Variants in CC2D1B observed in about 807,000 individuals in gnomAD.
CC2D1B encodes coiled-coil and C2 domain containing 1B.
CC2D1B carries 92 observed loss-of-function variants against 110.8 expected under a neutral mutation model. That is an observed-to-expected ratio of 0.83 (90% CI 0.70 to 0.99). The LOEUF is 0.99. Among genes scored for constraint, CC2D1B ranks in the 50% least tolerant of loss-of-function variants. The pLI is 0.00. For missense variants in CC2D1B, 1,136 were observed against 1,089.0 expected (o/e 1.04, Z -0.61); for synonymous variants, 406 against 429.2 (o/e 0.95, Z 0.67).
intron 5 of CC2D1B, 37 bp from the exon 6 acceptor site, chr1:52,360,586 G>T (rs1646759001): frequency 6.3e-7 from 1 of 1,596,556 alleles, no homozygotes; most frequent in Non-Finnish European, 8.5e-7. Context: ...GCCACTCCAG[G>T]GCCTGCTAGG....
chr1:52,359,088 C>A lies in CC2D1B; in HGVS notation c.1196G>T (p.Gly399Val), dbSNP rs1428446856. 2 of 1,609,616 alleles carry A rather than the reference C, an allele frequency of 1.2e-6. No homozygotes were observed. Among genetic ancestry groups the A allele is most frequent in the Non-Finnish European group, 1.7e-6 (2 of 1,180,018 alleles). ...GTCCCCACCACTCCGGGCCTGGATGCCCGCCTCGCGGTACTTGTTCAGCCT... is the reference window on the plus strand; with the variant it reads ...GTCCCCACCACTCCGGGCCTGGATGACCGCCTCGCGGTACTTGTTCAGCCT... ...QQRLNKYREA[G>V]IQARSGGDER... Residue 399 changes from glycine (G) to valine (V), a missense_variant, in exon 11 of 25, where the codon GGC becomes GTC. Physicochemically the swap from Gly to Val is moderately radical, Grantham distance 109 (BLOSUM62 -3). Transcript: ENST00000284376.
Position 52,356,365 on chromosome 1 carries a change from C to T in CC2D1B, c.1937+19G>A. On this transcript the variant is annotated intron_variant, in intron 17 of 24. Coordinates refer to ENST00000284376, the MANE Select transcript of CC2D1B (RefSeq NM_001330585.2). ...TCTGCTCCCCACCCTATGAGCCCAG[C>T]CCCAGCCCTTGCACTTACCGGGTGG... 3 of 1,614,152 alleles carry T rather than the reference C, an allele frequency of 1.9e-6. No individual in the cohort carries two copies. The highest frequency in any genetic ancestry group is 1.7e-4 in the Middle Eastern group (1 of 6,060).
rs764994957 is a variant in CC2D1B at position 52,355,683 on chromosome 1, G to A, written c.2129-17C>T. 3 of 1,614,054 alleles carry A rather than the reference G, an allele frequency of 1.9e-6. No individual in the cohort carries two copies. The African/African-American group carries it at 4.0e-5, about 22-fold the overall frequency. ...GAGTCACCCCTGGGAAGGAGAAAAG[G>A]GAGTCAAGTCAGAGGGAGTGGCCAG... On this transcript the variant is annotated splice_polypyrimidine_tract_variant and intron_variant, in intron 19 of 24. Coordinates refer to ENST00000284376, the MANE Select transcript of CC2D1B (RefSeq NM_001330585.2).
At chr1:52,356,472 A>G in intron 16 of CC2D1B, 30 bp from the exon 17 acceptor site, 2 of 1,613,238 alleles carry the variant, frequency 1.2e-6, no homozygotes, top group Non-Finnish European at 1.7e-6. Flanking sequence ...GTGACTCCCG[A>G]GCCCAGAGCA....
intron 5 of CC2D1B, 104 bp downstream of exon 5, chr1:52,360,870 T>C: frequency 7.0e-7 from 1 of 1,423,016 alleles, no homozygotes; most frequent in South Asian, 1.3e-5. Context: ...GGGAGGGTCC[T>C]GGAAAGGGTG....
At chr1:52,353,908 C>A (rs758899419) in intron 23 of CC2D1B, 19 of 357,182 alleles carry the variant, frequency 5.3e-5, no homozygotes, top group Admixed American at 8.8e-5. Flanking sequence ...TCAATCCCCA[C>A]GGCAACTTCT....
chr1:52,361,130 C>T lies in CC2D1B; in HGVS notation c.321G>A (p.Thr107=), dbSNP rs745317000. Reference sequence around the variant, plus strand: ...CCACACCTAAGACCTCCTGCAGCTCCGTCTAGGGAGACAAAACACAGCCCA... The same window carrying T: ...CCACACCTAAGACCTCCTGCAGCTCTGTCTAGGGAGACAAAACACAGCCCA... The part of the protein sequence containing the change: ...EGLEEDAELL[T]ELQEVLGVDE... The change falls in exon 5 of 25, where the codon ACG becomes ACA. Residue 107 remains threonine (T), a splice_region_variant and synonymous_variant. Coordinates refer to ENST00000284376, the MANE Select transcript of CC2D1B (RefSeq NM_001330585.2). 36 of 1,613,994 alleles carry T rather than the reference C, an allele frequency of 2.2e-5. No homozygotes were observed. The highest frequency in any genetic ancestry group is 2.9e-5 in the Non-Finnish European group (34 of 1,179,948).
At chr1:52,357,324 C>T in intron 15 of CC2D1B, 198 bp from the exon 16 acceptor site, 1 of 907,218 alleles carries the variant, frequency 1.1e-6, no homozygotes, top group Non-Finnish European at 1.6e-6. Flanking sequence ...TCTCTGACCA[C>T]AGGCAGCCCA....
At chr1:52,355,190 T>A (rs1646621288) in intron 21 of CC2D1B, among the ~76,000 whole-genome samples, 1 of 152,230 alleles carries the variant, frequency 6.6e-6, no homozygotes, top group South Asian at 2.1e-4. Context: ...TCATATCCCA[T>A]TTCTACCACT....
chr1:52,360,655 G>C (rs1646760511), intron 5 of CC2D1B, 106 bp from the exon 6 acceptor site: 4 of 1,474,850 alleles, frequency 2.7e-6, no homozygotes, highest in Non-Finnish European at 3.7e-6. Flanking sequence ...GACTCCAGGA[G>C]AAAGAAGAGC....
intron 24 of CC2D1B, 67 bp downstream of exon 24, chr1:52,353,451 A>G (rs1646569610): frequency 6.5e-7 from 1 of 1,547,140 alleles, no homozygotes; most frequent in Non-Finnish European, 8.7e-7. Flanking sequence ...CTCTCCAGAT[A>G]TGAGTTGAGT....
In CC2D1B at chr1:52,360,453, T is replaced by A; in HGVS notation, c.574A>T (p.Lys192Ter). 1 of 1,613,918 alleles carries A rather than the reference T, an allele frequency of 6.2e-7. No homozygotes were observed. The highest frequency in any genetic ancestry group is 8.5e-7 in the Non-Finnish European group (1 of 1,180,014). The change falls in exon 6 of 25, where the codon AAA (lysine) becomes TAA (stop). Residue 192 changes from lysine (K) to a stop codon, truncating the protein, a stop_gained. Transcript: ENST00000284376. LOFTEE classifies it high-confidence loss of function. The part of the protein sequence containing the change: ...ASAKEAGEAA[K>*]ARRCERGLKT... ...AGGCCGCGCTCGCAGCGCCTGGCTT[T>A]GGCTGCTTCGCCTGCCTCCTTGGCA... is the stretch of plus-strand genomic sequence containing the variant.
Position 52,354,826 on chromosome 1 carries a change from G to C in CC2D1B, c.2339+14C>G. ...TCCCGGCCCGTGTGGCAGCATGACC[G>C]ATAGGAGCCTCACCCTTTGTGGAAG... On this transcript the variant is annotated intron_variant, in intron 22 of 24. Transcript: ENST00000284376. The C allele has an allele frequency of 1.2e-6, 2 of 1,612,094 alleles. No homozygotes were observed. The highest frequency in any genetic ancestry group is 1.7e-6 in the Non-Finnish European group (2 of 1,178,078).
intron 8 of CC2D1B, 50 bp downstream of exon 8, chr1:52,359,655 T>C: frequency 6.4e-7 from 1 of 1,552,404 alleles, no homozygotes; most frequent in East Asian, 2.4e-5. Context: ...TCTGAGCCTG[T>C]TTCCCCTATC....
chr1:52,356,454 G>A lies in CC2D1B; in HGVS notation c.1879-12C>T. The A allele has an allele frequency of 6.2e-7, 1 of 1,614,166 alleles. No homozygotes were observed. The highest frequency in any genetic ancestry group is 8.5e-7 in the Non-Finnish European group (1 of 1,180,012). ...AACAGCAGGCACTTCTGAAAATAGA[G>A]GCCCAGAGTGACTCCCGAGCCCAGA... On this transcript the variant is annotated splice_polypyrimidine_tract_variant and intron_variant, in intron 16 of 24. Transcript: ENST00000284376.
In CC2D1B at chr1:52,360,136, G is replaced by A. The variant is rs1189349300; in HGVS notation, c.701C>T (p.Pro234Leu). ...AGGGCTCCTGTTGGCTGGTTCCTGG[G>A]GGGCCAGGGGCCGCTTTCCTAAGGC... ...PVALGKRPLA[P>L]QEPANRSPET... The change falls in exon 7 of 25, where the codon CCC becomes CTC. Residue 234 changes from proline to leucine, a missense_variant. Transcript: ENST00000284376. 6.2e-7 allele frequency: 1 copy of A among 1,610,358 alleles called. No individual in the cohort carries two copies. The highest frequency in any genetic ancestry group is 8.5e-7 in the Non-Finnish European group (1 of 1,178,230).
In CC2D1B at chr1:52,361,614, G is replaced by T. The variant is rs534233069; in HGVS notation, c.217C>A (p.Pro73Thr). ...GKKPAPKGQA[P>T]LPMAHIEKLA... ...TTCTCGATGTGGGCCATGGGCAGGG[G>T]GGCTGGGGGAAAAAGGTCACAACAA... The change falls in exon 4 of 25, where the codon CCC becomes ACC. Residue 73 changes from proline to threonine, a missense_variant and splice_region_variant. Transcript: ENST00000284376. The T allele has an allele frequency of 1.9e-6, 3 of 1,613,602 alleles. No homozygotes were observed. The highest frequency in any genetic ancestry group is 1.7e-6 in the Non-Finnish European group (2 of 1,180,012).
intron 2 of CC2D1B, among the ~76,000 whole-genome samples, chr1:52,363,005 ACAAC>A (rs1265912463): frequency 1.3e-5 from 2 of 152,244 alleles, no homozygotes; most frequent in African/African-American, 2.4e-5. Context: ...TACCATTATT[ACAAC>A]CAACAGCAAT....
At chr1:52,365,933 G>A (rs1489322145) in intron 1 of CC2D1B, 136 bp downstream of exon 1, 1 of 152,502 alleles carries the variant, frequency 6.6e-6, no homozygotes, top group Non-Finnish European at 1.5e-5. Context: ...GTGGGCAACG[G>A]AGTCCGTAGG....
Sources: gnomAD v4.1 joint callset for allele counts (sites outside exome capture counted in the v4.1 genomes callset) on GRCh38, gnomAD v4.1.1 for gene constraint, MANE v1.5 for transcripts, NCBI Gene and HGNC (gene_info 2026-07-23, HGNC 2026-07-21) for gene names.